The following OCA2 variants were observed in gnomAD, a reference collection of about 807,000 sequenced individuals.
The protein encoded by OCA2 is P protein.
OCA2 carries 77 observed loss-of-function variants against 100.2 expected under a neutral mutation model. That is an observed-to-expected ratio of 0.77 (90% CI 0.64 to 0.93). OCA2 has a LOEUF of 0.93. Ranked by LOEUF, OCA2 falls within the 40% of genes least tolerant of loss-of-function variation. OCA2 has a pLI of 0.00. For synonymous variants in OCA2, 432 were observed against 439.2 expected (o/e 0.98, Z 0.21); for missense variants, 1,062 against 1,089.1 (o/e 0.98, Z 0.35).
chr15:27,966,561 TG>T, intron 15 of OCA2, 128 bp downstream of exon 15: 1 of 975,622 alleles, frequency 1.0e-6, no homozygotes, highest in Non-Finnish European at 1.6e-6. Context: ...AAGGTGGACG[TG>T]GAGAGTCACT....
At chr15:27,827,361 G>A (rs2034769895) in intron 23 of OCA2, among the ~76,000 whole-genome samples, 1 of 152,190 alleles carries the variant, frequency 6.6e-6, no homozygotes, top group African/African-American at 2.4e-5. Context: ...ATTAAGCTGA[G>A]TTCTGGAAGG....
At chr15:28,036,859 C>A (rs1566826659) in intron 2 of OCA2, among the ~76,000 whole-genome samples, 1 of 152,100 alleles carries the variant, frequency 6.6e-6, no homozygotes, top group Non-Finnish European at 1.5e-5. Context: ...AAGAGGTTTG[C>A]CCTCAGTCTT....
intron 23 of OCA2, among the ~76,000 whole-genome samples, chr15:27,798,471 C>G (rs1293710733): frequency 6.6e-6 from 1 of 151,926 alleles, no homozygotes; most frequent in African/African-American, 2.4e-5. Context: ...ATGAAAAAGT[C>G]TTCATTTGCA....
intron 19 of OCA2, among the ~76,000 whole-genome samples, chr15:27,876,747 AT>A (rs904685523): frequency 3.9e-4 from 59 of 151,442 alleles, no homozygotes; most frequent in African/African-American, 1.2e-3. Context: ...AGATTCTCTT[AT>A]TTTTTTTAAT....
Position 28,029,050 on chromosome 15 carries a change from TAAA to T in OCA2, c.327-994_327-992del, listed in dbSNP as rs533745226. 2.9e-3 allele frequency among the ~76,000 whole-genome samples: 438 copies of T among 152,234 alleles called. 1 individual carries two copies. The highest frequency in any genetic ancestry group is 9.9e-3 in the African/African-American group (412 of 41,522). On this transcript the variant is annotated intron_variant, in intron 3 of 23. Transcript: ENST00000354638. ...CTTCAGTTTAGATGCACTTGACTCT[TAAA>T]AGTTTGTACCAAAAGCCAGAATTTT...
intron 23 of OCA2, among the ~76,000 whole-genome samples, chr15:27,844,357 T>G (rs571494714): frequency 6.6e-6 from 1 of 152,212 alleles, no homozygotes; most frequent in Non-Finnish European, 1.5e-5. Context: ...CAGCACCGTC[T>G]TCGTGGACAG....
chr15:28,095,928 T>C (rs1264944685), intron 1 of OCA2, among the ~76,000 whole-genome samples: 1 of 152,152 alleles, frequency 6.6e-6, no homozygotes, highest in Non-Finnish European at 1.5e-5. Flanking sequence ...AAAGCGCTGC[T>C]TGGCCCCAAA....
At chr15:27,796,334 C>T (rs1374524984) in intron 23 of OCA2, among the ~76,000 whole-genome samples, 1 of 152,278 alleles carries the variant, frequency 6.6e-6, no homozygotes, top group African/African-American at 2.4e-5. Flanking sequence ...TCTGGCCTCT[C>T]GCCACCTGAG....
intron 15 of OCA2, among the ~76,000 whole-genome samples, chr15:27,963,101 T>C (rs927614172): frequency 6.6e-6 from 1 of 152,202 alleles, no homozygotes. Flanking sequence ...TAAATATTTA[T>C]GTGCCCTAAT....
At chr15:27,966,033 C>G (rs1022846076) in intron 15 of OCA2, among the ~76,000 whole-genome samples, 1 of 152,096 alleles carries the variant, frequency 6.6e-6, no homozygotes, top group Admixed American at 6.5e-5. Flanking sequence ...TGCAGTGGCA[C>G]GATCTTGGCT....
chr15:27,721,222 A>T, the OCA2 span, among the ~76,000 whole-genome samples: 1 of 152,128 alleles, frequency 6.6e-6, no homozygotes, highest in Non-Finnish European at 1.5e-5. Flanking sequence ...CGTAATTTGC[A>T]GCCAGGTGCG....
chr15:27,794,850 T>C (rs1400489071), intron 23 of OCA2, among the ~76,000 whole-genome samples: 1 of 152,192 alleles, frequency 6.6e-6, no homozygotes, highest in Non-Finnish European at 1.5e-5. Flanking sequence ...AATGCATTTT[T>C]TTTCCTCAGC....
intron 14 of OCA2, 32 bp from the exon 15 acceptor site, chr15:27,966,854 G>A: frequency 2.5e-6 from 4 of 1,590,314 alleles, no homozygotes; most frequent in Non-Finnish European, 3.4e-6. Context: ...TGAAATGGCA[G>A]CCCAGGCATG....
At chr15:27,990,188 G>A (rs1333496234) in intron 10 of OCA2, among the ~76,000 whole-genome samples, 1 of 152,194 alleles carries the variant, frequency 6.6e-6, no homozygotes, top group African/African-American at 2.4e-5. Context: ...CTCTCCAGGG[G>A]CCTCCTGATC....
chr15:28,076,218 C>T (rs77990568), intron 2 of OCA2, among the ~76,000 whole-genome samples: 1 of 152,122 alleles, frequency 6.6e-6, no homozygotes, highest in Non-Finnish European at 1.5e-5. Flanking sequence ...GTTAGAGGCA[C>T]GATGTTGTGT....
the OCA2 span, among the ~76,000 whole-genome samples, chr15:27,730,740 TATATA>T: frequency 1.0e-4 from 2 of 19,586 alleles, no homozygotes; most frequent in Admixed American, 6.4e-4. Flanking sequence ...CAAATATATA[TATATA>T]TATATATATA....
At chr15:27,796,914 C>T (rs2033366651) in intron 23 of OCA2, among the ~76,000 whole-genome samples, 1 of 152,154 alleles carries the variant, frequency 6.6e-6, no homozygotes, top group South Asian at 2.1e-4. Flanking sequence ...CTCTGGCAAC[C>T]CTCTGTGAGG....
chr15:27,983,571 C>T, intron 13 of OCA2, 88 bp from the exon 14 acceptor site: 1 of 1,456,224 alleles, frequency 6.9e-7, no homozygotes, highest in Non-Finnish European at 9.6e-7. Flanking sequence ...AAGGCGCTTG[C>T]TCGTATAAGG....
chr15:27,985,927 G>A (rs1006128099), intron 12 of OCA2, among the ~76,000 whole-genome samples: 2 of 152,194 alleles, frequency 1.3e-5, no homozygotes, highest in African/African-American at 4.8e-5. Flanking sequence ...TCTTGACCTC[G>A]TGATCTGCCC....
Sources: gnomAD v4.1 joint callset for allele counts (sites outside exome capture counted in the v4.1 genomes callset) on GRCh38, gnomAD v4.1.1 for gene constraint, MANE v1.5 for transcripts, NCBI Gene and HGNC (gene_info 2026-07-23, HGNC 2026-07-21) for gene names.